Variants in UBE2Q1 observed in about 807,000 individuals in gnomAD.
UBE2Q1 encodes the protein ubiquitin-conjugating enzyme E2 Q1.
UBE2Q1 carries 6 observed loss-of-function variants against 60.1 expected under a neutral mutation model. The observed-to-expected ratio is 0.10, with a 90% CI of 0.05 to 0.20. UBE2Q1 has a LOEUF of 0.20. UBE2Q1 is among the 10% of genes least tolerant of loss of function. UBE2Q1 has a pLI of 1.00. For synonymous variants in UBE2Q1, 226 were observed against 208.3 expected, an observed-to-expected ratio of 1.09 and a Z score of -0.73; for missense variants, 262 against 525.8, an observed-to-expected ratio of 0.50 and a Z score of 4.91.
chr1:154,558,303 C>G lies in UBE2Q1; in HGVS notation c.251G>C (p.Gly84Ala). ...GGGGAGATGCGGTCCGGGCGCGGCC[C>G]CCGCCCCGGCCCCTCCGGCCCCAGC... The part of the protein sequence containing the change: ...LLAGAGGAGA[G>A]AAPGPHLPPR... Residue 84 changes from glycine (G) to alanine (A), a missense_variant, in exon 1 of 13, where the codon GGG becomes GCG. This residue lies in a region of UBE2Q1 where 49 missense variants were observed against 32.5 expected (regional missense o/e 1.51). Transcript: ENST00000292211. 1 of 1,581,824 alleles carries G rather than the reference C, an allele frequency of 6.3e-7. No individual in the cohort carries two copies. Among genetic ancestry groups the G allele is most frequent in the Non-Finnish European group, 8.6e-7 (1 of 1,167,600 alleles).
chr1:154,552,486 G>A (rs747492338), intron 6 of UBE2Q1, 22 bp from the exon 7 acceptor site: 59 of 1,613,940 alleles, frequency 3.7e-5, no homozygotes, highest in Non-Finnish European at 4.9e-5. Context: ...GAAAAAACAG[G>A]TGTTAGTAGA....
intron 12 of UBE2Q1, chr1:154,550,736 A>G: frequency 6.1e-6 from 6 of 985,348 alleles, no homozygotes; most frequent in Non-Finnish European, 7.2e-6. Flanking sequence ...TTTATCGGTG[A>G]TACGATCATT....
At chr1:154,555,556 C>T (rs1695868347) in intron 2 of UBE2Q1, 24 bp from the exon 3 acceptor site, 1 of 1,603,072 alleles carries the variant, frequency 6.2e-7, no homozygotes, top group Non-Finnish European at 8.5e-7. Flanking sequence ...AGCACAGAGA[C>T]ATCAAATCCT....
intron 1 of UBE2Q1, 86 bp downstream of exon 1, chr1:154,558,141 G>A (rs1308851647): frequency 3.4e-6 from 4 of 1,173,718 alleles, no homozygotes; most frequent in Non-Finnish European, 3.5e-6. Context: ...GGCCTCCCAG[G>A]TCCTTCGAGA....
intron 4 of UBE2Q1, 116 bp downstream of exon 4, chr1:154,554,619 C>T: frequency 9.1e-7 from 1 of 1,102,016 alleles, no homozygotes; most frequent in Non-Finnish European, 1.3e-6. Flanking sequence ...GTAAATCTGT[C>T]TTTATTCCTT....
At position 154,554,726 on chromosome 1, in the gene UBE2Q1, C is replaced by A; in HGVS notation, c.588+9G>T. ...TTCCAGCCAATGCCACCTCAGGGGG[C>A]AAGCCTACCTCAGGCATCTCCTCAT... On this transcript the variant is annotated intron_variant, in intron 4 of 12. Coordinates refer to ENST00000292211, the MANE Select transcript of UBE2Q1 (RefSeq NM_017582.7). 1 of 1,613,072 alleles carries A rather than the reference C, an allele frequency of 6.2e-7. No homozygotes were observed. The highest frequency in any genetic ancestry group is 8.5e-7 in the Non-Finnish European group (1 of 1,179,242).
At chr1:154,553,440 T>C (rs925161049) in intron 4 of UBE2Q1, among the ~76,000 whole-genome samples, 2 of 152,202 alleles carry the variant, frequency 1.3e-5, no homozygotes, top group African/African-American at 4.8e-5. Context: ...GGCAGGGACT[T>C]AGCCCTCTTG....
At chr1:154,557,150 T>C (rs867935351) in intron 1 of UBE2Q1, among the ~76,000 whole-genome samples, 6 of 152,230 alleles carry the variant, frequency 3.9e-5, no homozygotes, top group African/African-American at 1.4e-4. Context: ...CTTGGTTTGA[T>C]TGAGAAAACG....
intron 6 of UBE2Q1, 55 bp downstream of exon 6, chr1:154,552,681 C>A: frequency 1.9e-6 from 3 of 1,588,218 alleles, no homozygotes; most frequent in South Asian, 1.1e-5. Flanking sequence ...CCCTTGCCAC[C>A]ATACCCTTCT....
At chr1:154,551,038 C>T (rs1284523592) in intron 11 of UBE2Q1, 34 bp from the exon 12 acceptor site, 1 of 1,613,232 alleles carries the variant, frequency 6.2e-7, no homozygotes, top group Non-Finnish European at 8.5e-7. Flanking sequence ...CAGGCCATGG[C>T]TAGCTGTGGC....
chr1:154,552,798 T>C lies in UBE2Q1; in HGVS notation c.752A>G (p.Gln251Arg). ...YLNGAVSGSV[Q>R]ATDRLMKELR... ...CTCCTTCATCAGCCGGTCAGTGGCCTGCACCGAGCCAGACACTGCACCCTG... is the reference window on the plus strand; with the variant it reads ...CTCCTTCATCAGCCGGTCAGTGGCCCGCACCGAGCCAGACACTGCACCCTG... The change falls in exon 6 of 13, where the codon CAG (glutamine) becomes CGG (arginine). Residue 251 changes from glutamine (Q) to arginine (R), a missense_variant. Gln to Arg is a conservative substitution (Grantham distance 43). Around this residue, in one of 5 missense-constraint regions of UBE2Q1, gnomAD observed 111 missense variants for 266.8 expected, o/e 0.42. Transcript: ENST00000292211. 6.2e-7 allele frequency: 1 copy of C among 1,614,204 alleles called. No homozygotes were observed. Among genetic ancestry groups the C allele is most frequent in the Non-Finnish European group, 8.5e-7 (1 of 1,180,036 alleles).
chr1:154,551,109 C>T, intron 11 of UBE2Q1, 105 bp from the exon 12 acceptor site: 2 of 1,357,674 alleles, frequency 1.5e-6, no homozygotes, highest in South Asian at 1.2e-5. Flanking sequence ...CAGCTCCCAG[C>T]ACTGTGGTCT....
Position 154,558,475 on chromosome 1 carries a change from C to T in UBE2Q1, c.79G>A (p.Ala27Thr). The T allele has an allele frequency of 4.7e-6, 6 of 1,286,874 alleles. No homozygotes were observed. The highest frequency in any genetic ancestry group is 5.9e-6 in the Non-Finnish European group (6 of 1,020,850). 79.7% of individuals were successfully genotyped at this position (1,286,874 alleles called of 1,614,324 possible). A position where few individuals can be genotyped will look rare whatever the true frequency, so the allele number is the denominator to read the frequency against. The stretch of plus-strand genomic sequence containing the variant: ...GGGCCCCCCCCTGGGCCGCCCCCGG[C>T]CCCCGGCGCCGCCCCCTGGCCCCCC... ...QLGGQGAAPG[A>T]GGGPGGGPGP... Residue 27 changes from alanine to threonine, a missense_variant, in exon 1 of 13, where the codon GCC (alanine) becomes ACC (threonine). By Grantham distance (58) the Ala-to-Thr change is moderately conservative. Coordinates refer to ENST00000292211, the MANE Select transcript of UBE2Q1 (RefSeq NM_017582.7).
In UBE2Q1 at chr1:154,552,030, A is replaced by C. The variant is rs549133628; in HGVS notation, c.967-51T>G. 2.5e-6 allele frequency: 4 copies of C among 1,613,836 alleles called. No homozygotes were observed. In the East Asian group the frequency reaches 8.9e-5, roughly 36 times the overall value. The stretch of plus-strand genomic sequence containing the variant: ...GGGGAGGGAGGCCAGCATCCTCCAC[A>C]GGACTGTCAGGCAGACTGGGCAGCC... On this transcript the variant is annotated intron_variant, in intron 8 of 12. Transcript: ENST00000292211.
chr1:154,557,412 G>A (rs1027389567), intron 1 of UBE2Q1, among the ~76,000 whole-genome samples: 31 of 152,218 alleles, frequency 2.0e-4, no homozygotes, highest in African/African-American at 7.5e-4. Context: ...GATGTCTGAG[G>A]GTAGACCAGG....
chr1:154,552,943 CTG>C, intron 5 of UBE2Q1, 87 bp downstream of exon 5: 1 of 1,592,440 alleles, frequency 6.3e-7, no homozygotes, highest in East Asian at 2.2e-5. Context: ...AAAAAGGAGT[CTG>C]CTCTCCATAC....
chr1:154,558,537 G>T lies in UBE2Q1; in HGVS notation c.17C>A (p.Pro6Gln), dbSNP rs971266222. The change falls in exon 1 of 13, where the codon CCG becomes CAG. Residue 6 changes from proline (P) to glutamine (Q), a missense_variant. Physicochemically the swap from Pro to Gln is moderately conservative, Grantham distance 76. Coordinates refer to ENST00000292211, the MANE Select transcript of UBE2Q1 (RefSeq NM_017582.7). ...CGGCCCCGGCTGCTGCTGCCCCTGC[G>T]GCTGCGGCTGCTGCATCCTCCGCTC... MQQPQ[P>Q]QGQQQPGPGQ... The T allele has an allele frequency of 2.8e-6, 3 of 1,079,740 alleles. No individual in the cohort carries two copies. The highest frequency in any genetic ancestry group is 6.4e-5 in the Admixed American group (1 of 15,670). The allele number at this position is 1,079,740 out of a possible 1,614,324, so 66.9% of individuals were successfully genotyped here.
intron 4 of UBE2Q1, 54 bp downstream of exon 4, chr1:154,554,681 A>C: frequency 6.3e-7 from 1 of 1,577,394 alleles, no homozygotes; most frequent in Non-Finnish European, 8.7e-7. Flanking sequence ...ATGGGTACCA[A>C]TGTTGCTGAC....
At chr1:154,553,467 T>C (rs916348327) in intron 4 of UBE2Q1, 4 of 273,854 alleles carry the variant, frequency 1.5e-5, no homozygotes, top group African/African-American at 8.7e-5. Flanking sequence ...GGACTGACCC[T>C]GCTCCAACTG....
Sources: gnomAD v4.1 joint callset for allele counts (sites outside exome capture counted in the v4.1 genomes callset) on GRCh38, gnomAD v4.1.1 for gene constraint, gnomAD v4.1.1 regional missense constraint, MANE v1.5 for transcripts, NCBI Gene and HGNC (gene_info 2026-07-23, HGNC 2026-07-21) for gene names.